Variants in SLC8A1 observed in about 807,000 individuals in gnomAD.
SLC8A1 encodes the protein sodium/calcium exchanger 1.
A neutral mutation model predicts 68.3 loss-of-function variants in SLC8A1; 18 were observed. The observed-to-expected ratio is 0.26, with a 90% confidence interval of 0.18 to 0.39. The LOEUF is 0.39. SLC8A1 is among the 10% of genes least tolerant of loss of function. SLC8A1 has a pLI of 1.00. For synonymous variants in SLC8A1, 475 were observed against 415.5 expected (o/e 1.14, Z -1.74); for missense variants, 985 against 1,156.7 (o/e 0.85, Z 2.15).
intron 1 of SLC8A1, among the ~76,000 whole-genome samples, chr2:40,462,688 T>C (rs911607878): frequency 2.0e-5 from 3 of 151,786 alleles, no homozygotes; most frequent in Non-Finnish European, 2.9e-5. Context: ...CATGCCTGTA[T>C]TTCTAGCTAC....
At chr2:40,333,437 C>CAAAAA (rs11392390) in intron 2 of SLC8A1, among the ~76,000 whole-genome samples, 1 of 73,734 alleles carries the variant, frequency 1.4e-5, no homozygotes, top group Non-Finnish European at 3.1e-5. Flanking sequence ...GACTCCGTCT[C>CAAAAA]AAAAAAAAAA....
intron 2 of SLC8A1, among the ~76,000 whole-genome samples, chr2:40,378,349 C>A (rs1190541905): frequency 6.6e-6 from 1 of 152,006 alleles, no homozygotes; most frequent in Non-Finnish European, 1.5e-5. Flanking sequence ...AAAATTGTTC[C>A]AGGCAGAAGG....
intron 2 of SLC8A1, among the ~76,000 whole-genome samples, chr2:40,285,044 T>C (rs2068095876): frequency 6.6e-6 from 1 of 152,140 alleles, no homozygotes; most frequent in South Asian, 2.1e-4. Context: ...ACAATCATCT[T>C]TGAAAAATGG....
intron 1 of SLC8A1, among the ~76,000 whole-genome samples, chr2:40,450,380 G>A (rs1248390820): frequency 1.3e-5 from 2 of 152,040 alleles, no homozygotes; most frequent in African/African-American, 2.4e-5. Context: ...GCACGCGCGC[G>A]CGCTGGTGGG....
At chr2:40,273,131 C>T (rs979447155) in intron 2 of SLC8A1, among the ~76,000 whole-genome samples, 3 of 151,994 alleles carry the variant, frequency 2.0e-5, no homozygotes, top group Admixed American at 1.3e-4. Flanking sequence ...TTAGTAGAGA[C>T]GGGGTTTCAC....
exon 5 of SLC8A1, chr2:40,164,912 G>A (rs1462189048): frequency 6.2e-7 from 1 of 1,613,932 alleles, no homozygotes; most frequent in Non-Finnish European, 8.5e-7. Flanking sequence ...TCCCAGGATG[G>A]GGCGCCCCAT....
intron 2 of SLC8A1, among the ~76,000 whole-genome samples, chr2:40,398,283 G>T (rs1687614730): frequency 6.6e-6 from 1 of 152,050 alleles, no homozygotes. Flanking sequence ...CTTTTTAGAG[G>T]AGTCTCTCAG....
chr2:40,448,752 A>T (rs1352533901), intron 1 of SLC8A1, among the ~76,000 whole-genome samples: 1 of 152,128 alleles, frequency 6.6e-6, no homozygotes, highest in Non-Finnish European at 1.5e-5. Context: ...GAGGTATGGG[A>T]GGTTATGATG....
intron 2 of SLC8A1, among the ~76,000 whole-genome samples, chr2:40,326,352 C>T (rs2075823503): frequency 6.6e-6 from 1 of 151,874 alleles, no homozygotes; most frequent in South Asian, 2.1e-4. Flanking sequence ...AAGACCACCT[C>T]ATAATATAGA....
intron 1 of SLC8A1, among the ~76,000 whole-genome samples, chr2:40,473,576 C>T (rs973217354): frequency 2.6e-5 from 4 of 152,146 alleles, no homozygotes; most frequent in African/African-American, 9.7e-5. Flanking sequence ...ATTTCAACTT[C>T]CTAGAAGTGT....
intron 2 of SLC8A1, among the ~76,000 whole-genome samples, chr2:40,310,656 G>A (rs1361049770): frequency 6.6e-6 from 1 of 152,114 alleles, no homozygotes; most frequent in Non-Finnish European, 1.5e-5. Flanking sequence ...TGGTTTTGAA[G>A]ATGAACAATC....
intron 1 of SLC8A1, among the ~76,000 whole-genome samples, chr2:40,445,782 A>G (rs945919686): frequency 1.8e-4 from 27 of 152,188 alleles, no homozygotes; most frequent in Non-Finnish European, 3.5e-4. Flanking sequence ...CACAAATTTC[A>G]GCTTTGAAGG....
Position 40,280,477 on chromosome 2 carries a change from A to G in SLC8A1, c.1809-102622T>C, listed in dbSNP as rs183922790. ...TGTAAAACACTGGTGGTCAAAATAT[A>G]CAAATATCACATTTGCCTTCAATCA... is the stretch of plus-strand genomic sequence containing the variant. On this transcript the variant is annotated intron_variant, in intron 2 of 7. Transcript: ENST00000406785. 1.4e-4 allele frequency among the ~76,000 whole-genome samples: 21 copies of G among 152,316 alleles called. No individual in the cohort carries two copies. The South Asian group carries it at 2.9e-3, about 21-fold the overall frequency.
chr2:40,459,041 T>G (rs532557142), intron 1 of SLC8A1, among the ~76,000 whole-genome samples: 4 of 152,254 alleles, frequency 2.6e-5, no homozygotes, highest in Admixed American at 2.0e-4. Context: ...AACAAATATT[T>G]ATAAGGATGG....
At chr2:40,132,385 A>G (rs1004611519) in intron 7 of SLC8A1, among the ~76,000 whole-genome samples, 6 of 152,080 alleles carry the variant, frequency 3.9e-5, no homozygotes, top group African/African-American at 1.4e-4. Flanking sequence ...TAAGCTATTA[A>G]GTGATTTTAG....
At chr2:40,369,646 C>T (rs1297484439) in intron 2 of SLC8A1, among the ~76,000 whole-genome samples, 1 of 152,044 alleles carries the variant, frequency 6.6e-6, no homozygotes, top group East Asian at 1.9e-4. Context: ...TCAGCCATTT[C>T]AATACTTGTT....
At chr2:40,336,191 TA>T (rs1665918732) in intron 2 of SLC8A1, among the ~76,000 whole-genome samples, 1 of 152,230 alleles carries the variant, frequency 6.6e-6, no homozygotes, top group Admixed American at 6.5e-5. Flanking sequence ...TGTGGTACCT[TA>T]AAGACATCTG....
At chr2:40,355,553 G>A (rs1274615144) in intron 2 of SLC8A1, among the ~76,000 whole-genome samples, 1 of 152,054 alleles carries the variant, frequency 6.6e-6, no homozygotes, top group Non-Finnish European at 1.5e-5. Context: ...ATATAATAGA[G>A]ACCTTGACAT....
intron 2 of SLC8A1, among the ~76,000 whole-genome samples, chr2:40,427,674 G>A (rs1697240533): frequency 6.6e-6 from 1 of 152,054 alleles, no homozygotes; most frequent in Non-Finnish European, 1.5e-5. Context: ...TACTACATGA[G>A]CACAGTGCCA....
Sources: gnomAD v4.1 joint callset for allele counts (sites outside exome capture counted in the v4.1 genomes callset) on GRCh38, gnomAD v4.1.1 for gene constraint, MANE v1.5 for transcripts, NCBI Gene and HGNC (gene_info 2026-07-23, HGNC 2026-07-21) for gene names.